Variants in TENM2 observed in about 807,000 individuals in gnomAD.
TENM2 encodes teneurin transmembrane protein 2, also known as teneurin-2.
Under a neutral mutation model 245.2 loss-of-function variants are expected in TENM2, and 52 were observed. The observed-to-expected ratio is 0.21, with a 90% CI of 0.17 to 0.27. The LOEUF is 0.27. Ranked by LOEUF, TENM2 falls within the 10% of genes least tolerant of loss-of-function variation. The pLI is 1.00. For missense variants in TENM2, 3,046 were observed against 3,666.8 expected, an observed-to-expected ratio of 0.83 and a Z score of 4.37; for synonymous variants, 1,363 against 1,438.9, an observed-to-expected ratio of 0.95 and a Z score of 1.19.
chr5:167,416,474 C>T (rs929432348), intron 2 of TENM2, among the ~76,000 whole-genome samples: 34 of 152,154 alleles, frequency 2.2e-4, no homozygotes, highest in African/African-American at 7.9e-4. Flanking sequence ...TAAAATATAA[C>T]GTTACTTTTT....
chr5:167,602,128 T>C (rs1040519262), intron 2 of TENM2, among the ~76,000 whole-genome samples: 3 of 152,192 alleles, frequency 2.0e-5, no homozygotes, highest in Non-Finnish European at 4.4e-5. Flanking sequence ...CGTATTTCTC[T>C]TCTCTAGCAT....
intron 2 of TENM2, among the ~76,000 whole-genome samples, chr5:167,708,008 G>A (rs1444335674): frequency 1.3e-5 from 2 of 152,328 alleles, no homozygotes; most frequent in South Asian, 2.1e-4. Context: ...CAATGAATAA[G>A]AGCAGGGCTT....
chr5:167,477,999 A>G (rs1767505366), intron 2 of TENM2, among the ~76,000 whole-genome samples: 1 of 152,240 alleles, frequency 6.6e-6, no homozygotes, highest in African/African-American at 2.4e-5. Context: ...TCAATTTAGT[A>G]GTTACTCATA....
At chr5:167,843,714 G>T (rs1334927821) in intron 2 of TENM2, among the ~76,000 whole-genome samples, 1 of 152,104 alleles carries the variant, frequency 6.6e-6, no homozygotes, top group Non-Finnish European at 1.5e-5. Context: ...AATAGGCTCA[G>T]CTGCTTCCTC....
chr5:167,997,285 G>T (rs555705185), intron 5 of TENM2, among the ~76,000 whole-genome samples: 1 of 152,218 alleles, frequency 6.6e-6, no homozygotes, highest in Non-Finnish European at 1.5e-5. Context: ...CAGTTAACCA[G>T]TTTCTCACAT....
chr5:167,036,247 G>C, the TENM2 span, among the ~76,000 whole-genome samples: 1 of 152,168 alleles, frequency 6.6e-6, no homozygotes, highest in African/African-American at 2.4e-5. Context: ...CTGAGACGGG[G>C]TCCAGCTTGG....
At chr5:168,046,261 T>A (rs531589415) in intron 5 of TENM2, among the ~76,000 whole-genome samples, 1 of 152,310 alleles carries the variant, frequency 6.6e-6, no homozygotes, top group African/African-American at 2.4e-5. Context: ...CTGCAGATAA[T>A]TGTTTCTCCC....
intron 2 of TENM2, among the ~76,000 whole-genome samples, chr5:167,742,985 ACAAC>A (rs1561728280): frequency 6.7e-5 from 8 of 120,188 alleles, no homozygotes; most frequent in African/African-American, 2.5e-4. Flanking sequence ...AAAAACAACA[ACAAC>A]AACAACAACA....
intron 19 of TENM2, among the ~76,000 whole-genome samples, chr5:168,206,714 T>C (rs1220533910): frequency 6.6e-6 from 1 of 152,136 alleles, no homozygotes; most frequent in Non-Finnish European, 1.5e-5. Flanking sequence ...TTTTTAATCC[T>C]AGGAAAGCCT....
chr5:168,086,430 A>G (rs1792463702), intron 7 of TENM2, among the ~76,000 whole-genome samples: 1 of 152,224 alleles, frequency 6.6e-6, no homozygotes, highest in Non-Finnish European at 1.5e-5. Flanking sequence ...TCAAAGGCAC[A>G]GCCTTCACAT....
At chr5:167,890,576 C>T (rs929836863) in intron 3 of TENM2, among the ~76,000 whole-genome samples, 1 of 152,104 alleles carries the variant, frequency 6.6e-6, no homozygotes, top group Non-Finnish European at 1.5e-5. Flanking sequence ...CGTACATAAA[C>T]ATTCATAATT....
At chr5:167,312,351 A>G (rs1302506652) in intron 1 of TENM2, among the ~76,000 whole-genome samples, 1 of 152,200 alleles carries the variant, frequency 6.6e-6, no homozygotes, top group African/African-American at 2.4e-5. Flanking sequence ...ACAATGCTTT[A>G]TAGCAATCTG....
chr5:167,593,981 G>C (rs1340576394), intron 2 of TENM2, among the ~76,000 whole-genome samples: 1 of 152,152 alleles, frequency 6.6e-6, no homozygotes, highest in Non-Finnish European at 1.5e-5. Context: ...GATGACTGAG[G>C]TACCTGTCTT....
At chr5:167,197,579 A>G in the TENM2 span, among the ~76,000 whole-genome samples, 5 of 151,990 alleles carry the variant, frequency 3.3e-5, no homozygotes, top group Non-Finnish European at 7.4e-5. Flanking sequence ...TTGCCCTGCT[A>G]CCCAGCCGGT....
chr5:167,640,616 T>C, intron 2 of TENM2, among the ~76,000 whole-genome samples: 1 of 127,252 alleles, frequency 7.9e-6, no homozygotes. Flanking sequence ...CGAAACTCCA[T>C]CTCAAAAAAA....
chr5:168,060,878 C>T (rs993219759), intron 6 of TENM2, among the ~76,000 whole-genome samples: 23 of 152,118 alleles, frequency 1.5e-4, no homozygotes, highest in African/African-American at 5.1e-4. Context: ...CAGTCTTTAG[C>T]AATTTTCTCA....
intron 2 of TENM2, among the ~76,000 whole-genome samples, chr5:167,696,058 A>C (rs1403840949): frequency 1.3e-5 from 2 of 150,658 alleles, no homozygotes; most frequent in Non-Finnish European, 3.0e-5. Context: ...ACAAAAAAAA[A>C]ACAACAACAA....
intron 1 of TENM2, among the ~76,000 whole-genome samples, chr5:167,319,875 G>A (rs887421189): frequency 1.3e-5 from 2 of 152,190 alleles, no homozygotes; most frequent in African/African-American, 2.4e-5. Context: ...GTTGTAATAA[G>A]CAAGGTCACT....
intron 7 of TENM2, among the ~76,000 whole-genome samples, chr5:168,063,707 T>C (rs1019426754): frequency 6.6e-6 from 1 of 152,150 alleles, no homozygotes; most frequent in African/African-American, 2.4e-5. Context: ...TGACAGCACT[T>C]TTCCTTACTG....
Sources: allele counts gnomAD v4.1 joint callset (sites outside exome capture counted in the v4.1 genomes callset), GRCh38; gene constraint gnomAD v4.1.1; transcripts MANE v1.5; gene names NCBI Gene and HGNC (gene_info 2026-07-23, HGNC 2026-07-21).